ELAPOR1: variants seen among roughly 807,000 people sequenced by gnomAD.
The protein encoded by ELAPOR1 is endosome-lysosome associated apoptosis and autophagy regulator 1, also known as endosome/lysosome-associated apoptosis and autophagy regulator 1.
ELAPOR1 carries 77 observed loss-of-function variants against 119.7 expected under a neutral mutation model. That is an observed-to-expected ratio of 0.64 (90% CI 0.54 to 0.78). ELAPOR1 has a LOEUF of 0.78. Among genes scored for constraint, ELAPOR1 ranks in the 30% least tolerant of loss-of-function variants. The pLI, the probability that ELAPOR1 is intolerant of heterozygous loss-of-function variation, is 0.00. For synonymous variants in ELAPOR1, 481 were observed against 487.2 expected (o/e 0.99, Z 0.17); for missense variants, 1,115 against 1,270.4 (o/e 0.88, Z 1.86).
At position 109,199,999 on chromosome 1, in the gene ELAPOR1, G is replaced by C. The variant is rs572866616; in HGVS notation, c.2628+19G>C. On this transcript the variant is annotated intron_variant, in intron 19 of 21. Transcript: ENST00000369939. ...GATCCAGGTGGGTTTCCCTCTGATC[G>C]GGCACTTCCATGAGAGAAGGGAATG... is the stretch of plus-strand genomic sequence containing the variant. The C allele has an allele frequency of 2.5e-6, 4 of 1,613,694 alleles. No individual in the cohort carries two copies. Among genetic ancestry groups the C allele is most frequent in the Non-Finnish European group, 3.4e-6 (4 of 1,179,800 alleles).
intron 1 of ELAPOR1, among the ~76,000 whole-genome samples, chr1:109,127,027 T>C (rs995482044): frequency 1.3e-5 from 2 of 152,120 alleles, no homozygotes; most frequent in African/African-American, 4.8e-5. Flanking sequence ...CAGTCTGTAT[T>C]GTCCCTCTGG....
intron 11 of ELAPOR1, 90 bp downstream of exon 11, chr1:109,189,772 C>T (rs1440625399): frequency 1.3e-5 from 12 of 925,268 alleles, no homozygotes; most frequent in East Asian, 2.5e-5. Flanking sequence ...AGAGGGCTTC[C>T]GGGGTTGTGT....
intron 7 of ELAPOR1, among the ~76,000 whole-genome samples, chr1:109,179,692 G>A (rs1652579890): frequency 1.3e-5 from 2 of 151,928 alleles, no homozygotes; most frequent in Non-Finnish European, 2.9e-5. Flanking sequence ...GATCACCTGA[G>A]GTCAGGAGTT....
intron 1 of ELAPOR1, among the ~76,000 whole-genome samples, chr1:109,137,150 A>T (rs1456926536): frequency 6.6e-6 from 1 of 152,024 alleles, no homozygotes; most frequent in Non-Finnish European, 1.5e-5. Context: ...AACCCATGTC[A>T]CTCTGGAGGG....
At position 109,205,767 on chromosome 1, in the gene ELAPOR1, A is replaced by G. The variant is rs1338085501; in HGVS notation, c.*2755A>G. ...TTTAGCCATAATACTTTAAGGAGCT[A>G]CTTTTTACTACCCCTTACCGTGCTG... On this transcript the variant is annotated 3_prime_UTR_variant, in exon 22 of 22. Transcript: ENST00000369939. The G allele has an allele frequency of 6.6e-6, 1 of 152,166 alleles. No individual in the cohort carries two copies. The highest frequency in any genetic ancestry group is 1.5e-5 in the Non-Finnish European group (1 of 68,030). The allele number at this position is 152,166 out of a possible 1,614,324, so 9.4% of individuals were successfully genotyped here.
At chr1:109,119,865 A>G (rs1003063665) in intron 1 of ELAPOR1, among the ~76,000 whole-genome samples, 8 of 152,254 alleles carry the variant, frequency 5.3e-5, no homozygotes, top group African/African-American at 1.9e-4. Flanking sequence ...TGGGTTGTGT[A>G]TAGATTCATC....
chr1:109,167,005 T>A (rs1319231815), intron 3 of ELAPOR1, among the ~76,000 whole-genome samples: 4 of 152,188 alleles, frequency 2.6e-5, no homozygotes, highest in African/African-American at 9.7e-5. Context: ...GTTATGTTAT[T>A]TTAGAGTTCA....
At chr1:109,186,990 T>G in intron 8 of ELAPOR1, 1 of 985,592 alleles carries the variant, frequency 1.0e-6, no homozygotes, top group Non-Finnish European at 1.2e-6. Flanking sequence ...GGAGTGCGCA[T>G]GAACATGCAT....
chr1:109,118,124 T>C (rs1174085862), intron 1 of ELAPOR1, among the ~76,000 whole-genome samples: 3 of 147,856 alleles, frequency 2.0e-5, no homozygotes, highest in Non-Finnish European at 4.5e-5. Context: ...TGAAACTCCG[T>C]CTCAAAAAAA....
chr1:109,151,523 A>G (rs1650528407), intron 1 of ELAPOR1, among the ~76,000 whole-genome samples: 1 of 152,246 alleles, frequency 6.6e-6, no homozygotes, highest in African/African-American at 2.4e-5. Flanking sequence ...TACAGAAACC[A>G]GGAGTTCACA....
At position 109,128,063 on chromosome 1, in the gene ELAPOR1, G is replaced by A. The variant is rs150936552; in HGVS notation, c.153+13727G>A. 3.6e-3 allele frequency among the ~76,000 whole-genome samples: 536 copies of A among 150,526 alleles called. 2 individuals are homozygous for A. Among genetic ancestry groups the A allele is most frequent in the African/African-American group, 0.012 (511 of 40,950 alleles). ...TAAGTTTTATATTTTTATAGAGACA[G>A]AGTTTCACCATGTTGGCCAGGCTGG... On this transcript the variant is annotated intron_variant, in intron 1 of 21. Transcript: ENST00000369939.
At chr1:109,157,082 G>A (rs958195041) in intron 1 of ELAPOR1, among the ~76,000 whole-genome samples, 4 of 152,118 alleles carry the variant, frequency 2.6e-5, no homozygotes, top group African/African-American at 7.2e-5. Context: ...TTCCCCTTGG[G>A]CCTTGTTTGC....
In ELAPOR1 at chr1:109,114,300, C is replaced by T. The variant is rs1291840060; in HGVS notation, c.117C>T (p.Thr39=). The T allele has an allele frequency of 6.2e-7, 1 of 1,600,748 alleles. No homozygotes were observed. Among genetic ancestry groups the T allele is most frequent in the African/African-American group, 1.3e-5 (1 of 74,712 alleles). The stretch of plus-strand genomic sequence containing the variant: ...GGGCTGGGACCGCCTTCCAGGTGAC[C>T]CAGGGAACGGGACCGGAGCTTCATG... ...LLWAGTAFQV[T]QGTGPELHAC... Residue 39 remains threonine (T), a synonymous_variant, in exon 1 of 22, where the codon ACC becomes ACT. Coordinates refer to ENST00000369939, the MANE Select transcript of ELAPOR1 (RefSeq NM_020775.5).
chr1:109,191,640 G>A (rs541197067), intron 12 of ELAPOR1, 86 bp from the exon 13 acceptor site: 24 of 1,561,854 alleles, frequency 1.5e-5, no homozygotes, highest in East Asian at 6.7e-5. Context: ...CTCACCAACC[G>A]TGATGGCACC....
Position 109,206,472 on chromosome 1 carries a change from C to G in ELAPOR1, c.*3460C>G, listed in dbSNP as rs577689508. The G allele has an allele frequency of 6.6e-6, 1 of 152,200 alleles. No individual in the cohort carries two copies. Among genetic ancestry groups the G allele is most frequent in the East Asian group, 1.9e-4 (1 of 5,200 alleles). 9.4% of individuals were successfully genotyped at this position (152,200 alleles called of 1,614,324 possible). On this transcript the variant is annotated 3_prime_UTR_variant, in exon 22 of 22. Transcript: ENST00000369939. ...CATGCAGTAACTGTCATGCTATAGACATCATCTGTATTTGGCTGGGAATAC... is the reference window on the plus strand; with the variant it reads ...CATGCAGTAACTGTCATGCTATAGAGATCATCTGTATTTGGCTGGGAATAC...
Position 109,203,560 on chromosome 1 carries a change from C to T in ELAPOR1, c.*548C>T, listed in dbSNP as rs1343623539. ...TAGTCTGAGGGCAAGGGGAGCAAGG[C>T]CTGGGTAAGAAAAGCCTTGAAAAGC... On this transcript the variant is annotated 3_prime_UTR_variant, in exon 22 of 22. Coordinates refer to ENST00000369939, the MANE Select transcript of ELAPOR1 (RefSeq NM_020775.5). The T allele has an allele frequency of 1.3e-5, 2 of 152,560 alleles. No homozygotes were observed. Among genetic ancestry groups the T allele is most frequent in the South Asian group, 2.1e-4 (1 of 4,832 alleles). The allele number at this position is 152,560 out of a possible 1,614,324, so 9.5% of individuals were successfully genotyped here.
chr1:109,132,106 T>G (rs1035451986), intron 1 of ELAPOR1, among the ~76,000 whole-genome samples: 1 of 152,170 alleles, frequency 6.6e-6, no homozygotes, highest in African/African-American at 2.4e-5. Context: ...AATATCTTTG[T>G]GTATATGAAC....
chr1:109,176,260 A>G (rs1403703238), intron 7 of ELAPOR1, among the ~76,000 whole-genome samples: 1 of 152,230 alleles, frequency 6.6e-6, no homozygotes, highest in Non-Finnish European at 1.5e-5. Flanking sequence ...CTTTCTGCTC[A>G]GACAGTCCAG....
At position 109,173,594 on chromosome 1, in the gene ELAPOR1, G is replaced by A. The variant is rs750589639; in HGVS notation, c.802+15G>A. The A allele has an allele frequency of 1.9e-6, 3 of 1,613,778 alleles. No individual in the cohort carries two copies. Among genetic ancestry groups the A allele is most frequent in the Non-Finnish European group, 2.5e-6 (3 of 1,179,710 alleles). On this transcript the variant is annotated intron_variant, in intron 6 of 21. Coordinates refer to ENST00000369939, the MANE Select transcript of ELAPOR1 (RefSeq NM_020775.5). ...TGCCATAACAGGTACTGAGAGCAGG[G>A]TTACTGACTTCCTGGGCTGTTGACT... is the stretch of plus-strand genomic sequence containing the variant.
Sources: gnomAD v4.1 joint callset for allele counts (sites outside exome capture counted in the v4.1 genomes callset) on GRCh38, gnomAD v4.1.1 for gene constraint, MANE v1.5 for transcripts, NCBI Gene and HGNC (gene_info 2026-07-23, HGNC 2026-07-21) for gene names.